Variants in ARHGEF10 observed in about 807,000 individuals in gnomAD.
ARHGEF10 encodes the protein Rho guanine nucleotide exchange factor 10, also known as Rho guanine nucleotide exchange factor (GEF) 10.
In ARHGEF10, 140 loss-of-function variants were observed where a neutral mutation model predicts 147.4. The observed-to-expected ratio is 0.95, with a 90% CI of 0.83 to 1.09. The LOEUF is 1.09. Ranked by LOEUF, ARHGEF10 falls within the 50% of genes least tolerant of loss-of-function variation. The probability of loss-of-function intolerance (pLI) is 0.00; values close to 1 mark genes in which losing one functional copy is unlikely to be tolerated. For synonymous variants in ARHGEF10, 902 were observed against 695.8 expected (o/e 1.30, Z -4.67); for missense variants, 2,222 against 1,752.7 (o/e 1.27, Z -4.78).
chr8:1,863,840 C>T (rs931772517), intron 4 of ARHGEF10, among the ~76,000 whole-genome samples: 11 of 151,890 alleles, frequency 7.2e-5, no homozygotes, highest in South Asian at 2.1e-4. Context: ...TCGGACTGCG[C>T]GTGTATTTGC....
intron 17 of ARHGEF10, among the ~76,000 whole-genome samples, chr8:1,906,972 C>A (rs1402121744): frequency 2.0e-5 from 3 of 152,244 alleles, no homozygotes; most frequent in African/African-American, 7.2e-5. Context: ...ACTCATACCC[C>A]ATGGCTTGGC....
chr8:1,879,789 T>C (rs745589578), intron 8 of ARHGEF10, among the ~76,000 whole-genome samples: 21 of 152,004 alleles, frequency 1.4e-4, no homozygotes, highest in Non-Finnish European at 2.6e-4. Context: ...CTGAGCTCAA[T>C]TGATCCTCCC....
rs1813358935 is a variant in ARHGEF10, at chr8:1,933,933, T to G, written c.3213T>G (p.His1071Gln). Reference protein sequence around the residue: ...GQVFIISVETHAVEGQLEAHQ... With the variant: ...GQVFIISVETQAVEGQLEAHQ... ...TCTTCATCATCAGTGTGGAGACTCA[T>G]GCTGTAGAGGTAAGTCACTTAGGTG... The change falls in exon 26 of 29, where the codon CAT becomes CAG. Residue 1071 changes from histidine (H) to glutamine (Q), a missense_variant. Transcript: ENST00000349830. 1 of 1,614,076 alleles carries G rather than the reference T, an allele frequency of 6.2e-7. No individual in the cohort carries two copies. Among genetic ancestry groups the G allele is most frequent in the Non-Finnish European group, 8.5e-7 (1 of 1,180,038 alleles).
chr8:1,893,518 G>C (rs780686932), intron 11 of ARHGEF10, 51 bp from the exon 12 acceptor site: 2 of 1,190,504 alleles, frequency 1.7e-6, no homozygotes, highest in Middle Eastern at 1.9e-4. Context: ...AAATGTATCT[G>C]TGTGTATTAT....
At chr8:1,826,270 C>G in intron 1 of ARHGEF10, 1 of 807,984 alleles carries the variant, frequency 1.2e-6, no homozygotes, top group Middle Eastern at 2.7e-4. Flanking sequence ...CCAGATGTAA[C>G]CACATTTGTC....
At chr8:1,895,439 G>A (rs964245293) in intron 13 of ARHGEF10, among the ~76,000 whole-genome samples, 3 of 152,116 alleles carry the variant, frequency 2.0e-5, no homozygotes, top group Non-Finnish European at 1.5e-5. Context: ...GTTTGTATAT[G>A]TACTTGATGA....
intron 12 of ARHGEF10, 26 bp from the exon 13 acceptor site, chr8:1,894,366 GA>G: frequency 6.2e-7 from 1 of 1,613,752 alleles, no homozygotes; most frequent in Non-Finnish European, 8.5e-7. Context: ...AGAAAAGTCT[GA>G]ACTGTCTTTG....
intron 19 of ARHGEF10, 100 bp from the exon 20 acceptor site, chr8:1,923,368 G>C: frequency 2.0e-6 from 3 of 1,527,130 alleles, no homozygotes; most frequent in Non-Finnish European, 2.7e-6. Context: ...AGTTTCATTT[G>C]GTCTGAATTT....
intron 11 of ARHGEF10, among the ~76,000 whole-genome samples, chr8:1,889,987 A>C (rs1183452070): frequency 1.6e-5 from 2 of 125,520 alleles, no homozygotes; most frequent in African/African-American, 6.6e-5. Flanking sequence ...ACACTGAGTG[A>C]TGTGAGCAAT....
Position 1,885,618 on chromosome 8 carries a change from G to A in ARHGEF10, c.1093G>A (p.Glu365Lys). 6.2e-7 allele frequency: 1 copy of A among 1,613,208 alleles called. No homozygotes were observed. Among genetic ancestry groups the A allele is most frequent in the Middle Eastern group, 1.6e-4 (1 of 6,062 alleles). The change falls in exon 11 of 29, where the codon GAG (glutamate) becomes AAG (lysine). Residue 365 changes from glutamate to lysine, a missense_variant. By Grantham distance (56) the Glu-to-Lys change is moderately conservative. Coordinates refer to ENST00000349830, the MANE Select transcript of ARHGEF10 (RefSeq NM_014629.4). Reference sequence around the variant, plus strand: ...TTTTTAAGATCACAGATCTTCTCTTGAGGAAGAACAGAATTTGTTCATTGA... The same window carrying A: ...TTTTTAAGATCACAGATCTTCTCTTAAGGAAGAACAGAATTTGTTCATTGA... ...LIAQDHRSSL[E>K]EEQNLFIDVD...
At chr8:1,947,113 G>C (rs1814652989) in intron 27 of ARHGEF10, among the ~76,000 whole-genome samples, 1 of 152,208 alleles carries the variant, frequency 6.6e-6, no homozygotes, top group African/African-American at 2.4e-5. Context: ...TTTGCTGCAG[G>C]AATAGGCTGT....
intron 10 of ARHGEF10, 37 bp downstream of exon 10, chr8:1,882,786 G>C: frequency 7.3e-7 from 1 of 1,374,212 alleles, no homozygotes; most frequent in East Asian, 2.7e-5. Context: ...GGAGGACACG[G>C]GGTTGGGGGG....
At chr8:1,868,693 T>G (rs1338072348) in intron 6 of ARHGEF10, among the ~76,000 whole-genome samples, 1 of 152,224 alleles carries the variant, frequency 6.6e-6, no homozygotes, top group Non-Finnish European at 1.5e-5. Flanking sequence ...TATGGTGTCA[T>G]TGGTTTATTG....
At chr8:1,951,123 A>C (rs576352417) in intron 27 of ARHGEF10, among the ~76,000 whole-genome samples, 1 of 152,316 alleles carries the variant, frequency 6.6e-6, no homozygotes, top group African/African-American at 2.4e-5. Context: ...TTTCTCTCTC[A>C]TAAGACAATC....
intron 15 of ARHGEF10, among the ~76,000 whole-genome samples, chr8:1,900,899 C>T (rs192527695): frequency 1.4e-4 from 22 of 152,226 alleles, no homozygotes; most frequent in African/African-American, 5.1e-4. Flanking sequence ...GTCTGTTGCC[C>T]CTGAAGGAGA....
chr8:1,831,233 G>A (rs534882862), intron 1 of ARHGEF10, among the ~76,000 whole-genome samples: 36 of 147,960 alleles, frequency 2.4e-4, no homozygotes, highest in African/African-American at 8.2e-4. Context: ...TGGAGGGACA[G>A]TGTGACATCC....
chr8:1,915,966 G>A (rs1197847026), intron 18 of ARHGEF10, among the ~76,000 whole-genome samples: 3 of 152,196 alleles, frequency 2.0e-5, no homozygotes, highest in African/African-American at 7.2e-5. Context: ...TCAGGGTCAC[G>A]GCCCTGTCCA....
chr8:1,912,404 T>G (rs922913288), intron 18 of ARHGEF10, among the ~76,000 whole-genome samples: 3 of 151,890 alleles, frequency 2.0e-5, no homozygotes, highest in Non-Finnish European at 2.9e-5. Context: ...CTGTGTGGTG[T>G]TAGACTCAGT....
intron 2 of ARHGEF10, among the ~76,000 whole-genome samples, chr8:1,850,750 G>C (rs966276067): frequency 2.0e-5 from 3 of 152,188 alleles, no homozygotes; most frequent in Non-Finnish European, 4.4e-5. Flanking sequence ...GCCCATATAG[G>C]TGTTGATAGC....
Sources: allele counts gnomAD v4.1 joint callset (sites outside exome capture counted in the v4.1 genomes callset), GRCh38; gene constraint gnomAD v4.1.1; transcripts MANE v1.5; gene names NCBI Gene and HGNC (gene_info 2026-07-23, HGNC 2026-07-21).